Variants in PPAN observed in about 807,000 individuals in gnomAD.
PPAN encodes the protein suppressor of SWI4 1 homolog.
A neutral mutation model predicts 48.5 loss-of-function variants in PPAN; 39 were observed. The observed-to-expected ratio is 0.80, with a 90% CI of 0.62 to 1.05. The LOEUF (loss-of-function observed/expected upper bound fraction) is 1.05. Ranked by LOEUF, PPAN falls within the 50% of genes least tolerant of loss-of-function variation. PPAN has a pLI of 0.00. For missense variants in PPAN, 736 were observed against 661.7 expected (o/e 1.11, Z -1.23); for synonymous variants, 315 against 268.6 (o/e 1.17, Z -1.69).
chr19:10,108,739 G>A (rs374361273), intron 5 of PPAN, among the ~76,000 whole-genome samples: 5 of 144,944 alleles, frequency 3.4e-5, no homozygotes, highest in African/African-American at 5.2e-5. Context: ...GTGACAAAGC[G>A]AGACACTGTC....
intron 5 of PPAN, 136 bp downstream of exon 5, chr19:10,108,270 T>A: frequency 7.6e-7 from 1 of 1,319,110 alleles, no homozygotes; most frequent in Non-Finnish European, 1.0e-6. Context: ...TGAGGTCAAA[T>A]CCCACTCCTG....
At chr19:10,107,721 G>A (rs2088883304) in intron 3 of PPAN, 83 bp from the exon 4 acceptor site, 1 of 1,609,890 alleles carries the variant, frequency 6.2e-7, no homozygotes, top group African/African-American at 1.3e-5. Flanking sequence ...TAAACGCTCT[G>A]AAGAAGAGAT....
At chr19:10,106,268 C>T (rs1488587076), upstream of PPAN, 4 of 1,474,482 alleles carry the variant, frequency 2.7e-6, no homozygotes, top group East Asian at 2.5e-5. Context: ...TCCCCGCTCC[C>T]AGAGGCCACC....
rs554384325 is a variant in PPAN at position 10,111,928 on chromosome 19, G to A, written c.*763G>A. ...GGTTCGAGACCACCCTGACCAACAA[G>A]GAGAAACCCCGTCTCTACTAAAAAT... On this transcript the variant is annotated 3_prime_UTR_variant, in exon 12 of 12. Coordinates refer to ENST00000253107, the MANE Select transcript of PPAN (RefSeq NM_020230.7). Among the ~76,000 whole-genome samples the A allele has an allele frequency of 6.6e-6, 1 of 152,282 alleles. No individual in the cohort carries two copies. The highest frequency in any genetic ancestry group is 2.1e-4 in the South Asian group (1 of 4,818).
At chr19:10,106,741 C>T in intron 2 of PPAN, 70 bp downstream of exon 2, 1 of 1,470,140 alleles carries the variant, frequency 6.8e-7, no homozygotes, top group Non-Finnish European at 9.0e-7. Context: ...GTAATGGCTC[C>T]CGCTGTAAAA....
chr19:10,109,576 T>C, intron 5 of PPAN, 55 bp from the exon 6 acceptor site: 1 of 1,544,230 alleles, frequency 6.5e-7, no homozygotes, highest in Non-Finnish European at 8.8e-7. Flanking sequence ...AAGCCCCCAC[T>C]TCCCCAAACT....
Position 10,110,951 on chromosome 19 carries a change from TC to T in PPAN, c.1212del (p.Glu405ArgfsTer108). ...AVGEAPSEDL[F>X]PEAKQKRLAK... ...ACACTGTCTCTCCCCACAGACCTGT[TC>T]CCCGAGGCCAAGCAGAAACGGCTTG... On this transcript the variant is annotated frameshift_variant, in exon 12 of 12. Transcript: ENST00000253107. LOFTEE classifies it low-confidence loss of function (END_TRUNC). This position sits in a 1 kb window ranked among gnomAD's most constrained non-coding sequence, Gnocchi z 5.9. The T allele has an allele frequency of 6.2e-7, 1 of 1,613,244 alleles. No homozygotes were observed. The highest frequency in any genetic ancestry group is 2.2e-5 in the East Asian group (1 of 44,806).
chr19:10,109,827 G>A (rs908367201), intron 6 of PPAN, 86 bp from the exon 7 acceptor site: 18 of 1,593,628 alleles, frequency 1.1e-5, no homozygotes, highest in Middle Eastern at 1.7e-4. Flanking sequence ...ACGCCCTGAC[G>A]CACTGTGGGA....
chr19:10,107,365 G>A, intron 2 of PPAN, 140 bp from the exon 3 acceptor site: 3 of 820,836 alleles, frequency 3.7e-6, no homozygotes, highest in Non-Finnish European at 5.6e-6. Context: ...TGACTCTAAA[G>A]GCTAAGATCC....
chr19:10,108,996 C>G (rs1804142568), intron 5 of PPAN, among the ~76,000 whole-genome samples: 1 of 147,184 alleles, frequency 6.8e-6, no homozygotes, highest in Non-Finnish European at 1.5e-5. Flanking sequence ...GAGTCTTGCT[C>G]TGTCTCCCAG....
intron 5 of PPAN, among the ~76,000 whole-genome samples, chr19:10,109,298 T>C (rs1272747381): frequency 2.6e-5 from 4 of 151,948 alleles, no homozygotes; most frequent in African/African-American, 4.8e-5. Context: ...CTCCGTACGT[T>C]GGTCTTGAAC....
Position 10,110,590 on chromosome 19 carries a change from A to G in PPAN, c.1007A>G (p.Lys336Arg). Reference protein sequence around the residue: ...QAQQAQNVQRKQEQREAHRKK... With the variant: ...QAQQAQNVQRRQEQREAHRKK... ...CAGCAGGCCCAGAATGTGCAGCGCAAGCAGGAGCAGCGGGAGGCCCACAGG... is the reference window on the plus strand; with the variant it reads ...CAGCAGGCCCAGAATGTGCAGCGCAGGCAGGAGCAGCGGGAGGCCCACAGG... Residue 336 changes from lysine (K) to arginine (R), a missense_variant, in exon 10 of 12, where the codon AAG becomes AGG. By Grantham distance (26) the Lys-to-Arg change is conservative (BLOSUM62 2). Coordinates refer to ENST00000253107, the MANE Select transcript of PPAN (RefSeq NM_020230.7). This position sits in a 1 kb window ranked among gnomAD's most constrained non-coding sequence, Gnocchi z 5.9. 6.2e-7 allele frequency: 1 copy of G among 1,603,148 alleles called. No homozygotes were observed. Among genetic ancestry groups the G allele is most frequent in the Non-Finnish European group, 8.5e-7 (1 of 1,175,562 alleles).
intron 5 of PPAN, among the ~76,000 whole-genome samples, chr19:10,108,606 G>T (rs2088927114): frequency 6.6e-6 from 1 of 152,028 alleles, no homozygotes. Context: ...TTTTTAAAAA[G>T]CCCGGTGTGG....
rs780194176 is a variant in PPAN, at chr19:10,111,142, C to T, written c.1399C>T (p.Arg467Cys). The change falls in exon 12 of 12, where the codon CGC becomes TGC. Residue 467 changes from arginine to cysteine, a missense_variant. By Grantham distance (180) the Arg-to-Cys change is radical. Coordinates refer to ENST00000253107, the MANE Select transcript of PPAN (RefSeq NM_020230.7). ...RDGGRGRGRGRPGKRVA is the reference protein window; with the variant it reads ...RDGGRGRGRGCPGKRVA ...TGGTGGGCGAGGCCGGGGCCGGGGC[C>T]GCCCAGGGAAGAGAGTGGCCTGAGC... 8.6e-5 allele frequency: 138 copies of T among 1,600,332 alleles called. No homozygotes were observed. Among genetic ancestry groups the T allele is most frequent in the Middle Eastern group, 1.8e-4 (1 of 5,694 alleles).
intron 2 of PPAN, chr19:10,106,885 C>A: frequency 1.3e-6 from 1 of 786,192 alleles, no homozygotes; most frequent in Non-Finnish European, 2.0e-6. Flanking sequence ...CTAAGCCTGA[C>A]AGTTAAGACT....
chr19:10,106,277 C>G (rs2088817616), upstream of PPAN: 1 of 1,496,238 alleles, frequency 6.7e-7, no homozygotes, highest in Admixed American at 2.3e-5. Flanking sequence ...CCAGAGGCCA[C>G]CTAGTGCGCA....
rs531759921 is a variant in PPAN, at chr19:10,111,727, A to C, written c.*562A>C. 43 of 1,613,654 alleles carry C rather than the reference A, an allele frequency of 2.7e-5. No individual in the cohort carries two copies. In the South Asian group the frequency reaches 4.6e-4, roughly 17 times the overall value. ...CTGAGGATCGGCACGGGAGCATGGC[A>C]GCCAACGTCTCGGGTAAGGAGAAGG... is the stretch of plus-strand genomic sequence containing the variant. On this transcript the variant is annotated 3_prime_UTR_variant, in exon 12 of 12. Transcript: ENST00000253107.
upstream of PPAN, chr19:10,106,329 G>A: frequency 6.5e-7 from 1 of 1,546,296 alleles, no homozygotes; most frequent in Non-Finnish European, 8.7e-7. Context: ...GCTCTCAGGC[G>A]CCGGAAGTGA....
chr19:10,108,272 C>A, intron 5 of PPAN, 138 bp downstream of exon 5: 1 of 1,311,212 alleles, frequency 7.6e-7, no homozygotes, highest in East Asian at 2.5e-5. Context: ...AGGTCAAATC[C>A]CACTCCTGTG....
Sources: gnomAD v4.1 joint callset for allele counts (sites outside exome capture counted in the v4.1 genomes callset) on GRCh38, gnomAD v4.1.1 for gene constraint, Gnocchi (gnomAD v3.1) non-coding constraint, MANE v1.5 for transcripts, NCBI Gene and HGNC (gene_info 2026-07-23, HGNC 2026-07-21) for gene names.